Variants in DAPP1 observed in about 807,000 individuals in gnomAD.
DAPP1 encodes dual adaptor of phosphotyrosine and 3-phosphoinositides 1, also known as dual adapter for phosphotyrosine and 3-phosphotyrosine and 3-phosphoinositide.
A neutral mutation model predicts 41.5 loss-of-function variants in DAPP1; 20 were observed. The observed-to-expected ratio is 0.48, with a 90% CI of 0.34 to 0.70. The LOEUF is 0.70. DAPP1 is among the 30% of genes least tolerant of loss of function. The pLI is 0.01. For synonymous variants in DAPP1, 113 were observed against 116.2 expected, an observed-to-expected ratio of 0.97 and a Z score of 0.18; for missense variants, 233 against 333.4, an observed-to-expected ratio of 0.70 and a Z score of 2.35.
intron 1 of DAPP1, 116 bp downstream of exon 1, chr4:99,817,130 A>C: frequency 1.5e-6 from 1 of 658,408 alleles, no homozygotes; most frequent in Non-Finnish European, 2.5e-6. Flanking sequence ...CTGCCACCTC[A>C]ACCATTTATT....
chr4:99,839,057 C>T (rs904256940), intron 2 of DAPP1, among the ~76,000 whole-genome samples: 4 of 152,122 alleles, frequency 2.6e-5, no homozygotes, highest in African/African-American at 9.7e-5. Flanking sequence ...AGTGGAAACT[C>T]CTTGAAGAGC....
At chr4:99,820,675 C>CT (rs1368357611) in intron 1 of DAPP1, among the ~76,000 whole-genome samples, 9 of 152,008 alleles carry the variant, frequency 5.9e-5, no homozygotes, top group African/African-American at 1.7e-4. Context: ...AGCAGCAAAC[C>CT]TTTTTTTTAT....
At chr4:99,825,920 A>G (rs929393087) in intron 1 of DAPP1, among the ~76,000 whole-genome samples, 2 of 152,196 alleles carry the variant, frequency 1.3e-5, no homozygotes, top group African/African-American at 2.4e-5. Flanking sequence ...GTAGCTCTTG[A>G]GTTACATAAG....
At chr4:99,855,807 C>T (rs898036043) in intron 4 of DAPP1, among the ~76,000 whole-genome samples, 2 of 152,166 alleles carry the variant, frequency 1.3e-5, no homozygotes, top group African/African-American at 2.4e-5. Context: ...TGATGCTGCA[C>T]CTCCATCTCC....
chr4:99,828,415 A>G (rs1000716257), intron 1 of DAPP1, among the ~76,000 whole-genome samples: 5 of 152,208 alleles, frequency 3.3e-5, no homozygotes, highest in Admixed American at 3.3e-4. Flanking sequence ...ATATATACAG[A>G]GTGATATAAA....
chr4:99,855,068 A>G (rs954925867), intron 4 of DAPP1, among the ~76,000 whole-genome samples: 4 of 152,258 alleles, frequency 2.6e-5, no homozygotes, highest in African/African-American at 9.6e-5. Context: ...AGGCATCAAG[A>G]ACTCAGAACT....
At chr4:99,839,834 G>A (rs1479630114) in intron 2 of DAPP1, among the ~76,000 whole-genome samples, 1 of 152,238 alleles carries the variant, frequency 6.6e-6, no homozygotes, top group African/African-American at 2.4e-5. Context: ...AGCCGAGGCA[G>A]GAGGATCACC....
At chr4:99,835,954 A>T (rs907742521) in intron 2 of DAPP1, among the ~76,000 whole-genome samples, 2 of 152,178 alleles carry the variant, frequency 1.3e-5, no homozygotes, top group African/African-American at 2.4e-5. Flanking sequence ...TGGAGGAGAC[A>T]TGAGGAATTA....
At chr4:99,826,775 A>G (rs1044976499) in intron 1 of DAPP1, among the ~76,000 whole-genome samples, 11 of 152,166 alleles carry the variant, frequency 7.2e-5, no homozygotes, top group African/African-American at 2.4e-4. Flanking sequence ...TCACTGCCTA[A>G]TGAATCCTAT....
intron 1 of DAPP1, among the ~76,000 whole-genome samples, chr4:99,818,862 C>T (rs1416669557): frequency 6.6e-6 from 1 of 152,176 alleles, no homozygotes; most frequent in East Asian, 1.9e-4. Flanking sequence ...GACACCCAAA[C>T]CACAGACTTG....
intron 3 of DAPP1, among the ~76,000 whole-genome samples, chr4:99,846,427 A>T (rs1723666140): frequency 6.6e-6 from 1 of 152,190 alleles, no homozygotes; most frequent in Admixed American, 6.5e-5. Flanking sequence ...AACTGATTAG[A>T]TGGTAGTAGC....
chr4:99,828,995 A>AT (rs200101358), intron 1 of DAPP1, among the ~76,000 whole-genome samples: 3 of 150,748 alleles, frequency 2.0e-5, no homozygotes, highest in African/African-American at 4.9e-5. Flanking sequence ...GACTAGAAGA[A>AT]TTTTTTTTTT....
intron 4 of DAPP1, among the ~76,000 whole-genome samples, chr4:99,859,855 G>A (rs926806626): frequency 6.6e-6 from 1 of 152,170 alleles, no homozygotes; most frequent in Non-Finnish European, 1.5e-5. Context: ...CTCGCACACA[G>A]CTGCTGCTGC....
chr4:99,853,417 A>G (rs1723938112), intron 4 of DAPP1, 69 bp downstream of exon 4: 3 of 1,526,894 alleles, frequency 2.0e-6, no homozygotes, highest in Non-Finnish European at 2.6e-6. Flanking sequence ...ATAAAAGTTA[A>G]TAAGAGTGTA....
At chr4:99,825,381 A>G (rs1420671946) in intron 1 of DAPP1, among the ~76,000 whole-genome samples, 1 of 152,120 alleles carries the variant, frequency 6.6e-6, no homozygotes, top group African/African-American at 2.4e-5. Flanking sequence ...GTTCATCCTG[A>G]TCTCAAACTC....
intron 4 of DAPP1, among the ~76,000 whole-genome samples, chr4:99,857,710 A>G (rs1724095889): frequency 2.4e-5 from 3 of 127,332 alleles, no homozygotes; most frequent in African/African-American, 8.0e-5. Flanking sequence ...ATACACACAC[A>G]CACACACACA....
At chr4:99,838,024 A>G (rs1723358997) in intron 2 of DAPP1, among the ~76,000 whole-genome samples, 1 of 152,110 alleles carries the variant, frequency 6.6e-6, no homozygotes, top group Non-Finnish European at 1.5e-5. Context: ...GAGAATGCAA[A>G]CAATGGGGAG....
rs767547987 is a variant in DAPP1 at position 99,853,250 on chromosome 4, A to T, written c.391A>T (p.Arg131Ter). The part of the protein sequence containing the change: ...TLMVLKHPYP[R>*]KVEEPSIYES... The stretch of plus-strand genomic sequence containing the variant: ...GATGGTTCTAAAACATCCCTACCCA[A>T]GAAAAGTGGAAGAACCCTCCATTTA... The change falls in exon 4 of 9, where the codon AGA becomes TGA. Residue 131 changes from arginine (R) to a stop codon, truncating the protein, a stop_gained. Coordinates refer to ENST00000512369, the MANE Select transcript of DAPP1 (RefSeq NM_014395.3). LOFTEE classifies it high-confidence loss of function. 1.2e-6 allele frequency: 2 copies of T among 1,613,986 alleles called. No individual in the cohort carries two copies. Among genetic ancestry groups the T allele is most frequent in the Admixed American group, 3.3e-5 (2 of 60,018 alleles).
In DAPP1 at chr4:99,868,231, G is replaced by A. The variant is rs377593041; in HGVS notation, c.*46G>A. On this transcript the variant is annotated 3_prime_UTR_variant, in exon 9 of 9. Transcript: ENST00000512369. ...CTCTGGCCCAGGAGCAAGGTGGAAT[G>A]TTTCCCTGACGCTGTGATCTGCAGC... The A allele has an allele frequency of 7.1e-4, 1,076 of 1,517,672 alleles. No homozygotes were observed. The highest frequency in any genetic ancestry group is 9.5e-4 in the Non-Finnish European group (1,038 of 1,092,752). The allele number at this position is 1,517,672 out of a possible 1,614,324, so 94.0% of individuals were successfully genotyped here.
Sources: allele counts gnomAD v4.1 joint callset (sites outside exome capture counted in the v4.1 genomes callset), GRCh38; gene constraint gnomAD v4.1.1; transcripts MANE v1.5; gene names NCBI Gene and HGNC (gene_info 2026-07-23, HGNC 2026-07-21).